HS6ST3: variants seen among roughly 807,000 people sequenced by gnomAD.
The protein encoded by HS6ST3 is heparan-sulfate 6-O-sulfotransferase 3.
A neutral mutation model predicts 36.7 loss-of-function variants in HS6ST3; 12 were observed. The ratio of observed to expected loss-of-function variants is 0.33; its 90% confidence interval spans 0.21 to 0.53. The LOEUF (loss-of-function observed/expected upper bound fraction) is 0.53. Among genes scored for constraint, HS6ST3 ranks in the 20% least tolerant of loss-of-function variants. The pLI, the probability that HS6ST3 is intolerant of heterozygous loss-of-function variation, is 0.95. For synonymous variants in HS6ST3, 240 were observed against 257.5 expected, an observed-to-expected ratio of 0.93 and a Z score of 0.65; for missense variants, 584 against 640.9, an observed-to-expected ratio of 0.91 and a Z score of 0.96.
chr13:96,456,456 T>G (rs1036683645), intron 1 of HS6ST3, among the ~76,000 whole-genome samples: 1 of 152,164 alleles, frequency 6.6e-6, no homozygotes, highest in African/African-American at 2.4e-5. Flanking sequence ...TGCAAATGCA[T>G]TTTCCTAAGT....
At chr13:96,300,093 G>A (rs980469727) in intron 1 of HS6ST3, among the ~76,000 whole-genome samples, 30 of 114,888 alleles carry the variant, frequency 2.6e-4, no homozygotes, top group Admixed American at 1.3e-4. Flanking sequence ...GTCTCACTCT[G>A]TCACCCAGGA....
chr13:96,342,065 C>T (rs2055133309), intron 1 of HS6ST3, among the ~76,000 whole-genome samples: 1 of 152,094 alleles, frequency 6.6e-6, no homozygotes, highest in Non-Finnish European at 1.5e-5. Context: ...CACCACTGAA[C>T]CTCTTTTCTC....
At chr13:96,317,326 TTATATATA>T (rs537839404) in intron 1 of HS6ST3, among the ~76,000 whole-genome samples, 81 of 96,926 alleles carry the variant, frequency 8.4e-4, no homozygotes, top group Middle Eastern at 4.9e-3. Context: ...TAGTATTCCA[TTATATATA>T]TATATATATA....
rs578083988 is a variant in HS6ST3, at chr13:96,152,495, G to T, written c.707+60926G>T. Among the ~76,000 whole-genome samples the T allele has an allele frequency of 1.5e-4, 23 of 151,834 alleles. 1 individual carries two copies. Among genetic ancestry groups the T allele is most frequent in the Middle Eastern group, 3.4e-3 (1 of 294 alleles). On this transcript the variant is annotated intron_variant, in intron 1 of 1. Coordinates refer to ENST00000376705, the MANE Select transcript of HS6ST3 (RefSeq NM_153456.4). ...TGGGACTACAGGCGCCCGCCACCAC[G>T]CCCGGCTAATTTTTTGTACTTTTAG...
In HS6ST3 at chr13:96,654,450, A is replaced by G. The variant is rs1165833191; in HGVS notation, c.708-178040A>G. On this transcript the variant is annotated intron_variant, in intron 1 of 1. Transcript: ENST00000376705. ...ATGGCTATCCAGTTTTCCCAACACG[A>G]TTTATTAAACAGGGAATCCTTTCCC... Among the ~76,000 whole-genome samples, 7 of 152,240 alleles carry G rather than the reference A, an allele frequency of 4.6e-5. No individual in the cohort carries two copies. In the South Asian group the frequency reaches 1.5e-3, roughly 32 times the overall value.
rs1011202448 is a variant in HS6ST3, at chr13:96,833,372, G to A, written c.*174G>A. ...TATCCAGCTGGAGATTATCCGTCTT[G>A]TTCTTTTTTTTCTTGACATTTTGCA... On this transcript the variant is annotated 3_prime_UTR_variant, in exon 2 of 2. Transcript: ENST00000376705. 8.2e-6 allele frequency: 5 copies of A among 606,698 alleles called. No individual in the cohort carries two copies. Among genetic ancestry groups the A allele is most frequent in the Non-Finnish European group, 1.4e-5 (5 of 358,814 alleles). The allele number at this position is 606,698 out of a possible 1,614,324, so 37.6% of individuals were successfully genotyped here. A position where few individuals can be genotyped will look rare whatever the true frequency, so the allele number is the denominator to read the frequency against.
chr13:96,317,995 C>A (rs2054984509), intron 1 of HS6ST3, among the ~76,000 whole-genome samples: 1 of 152,022 alleles, frequency 6.6e-6, no homozygotes, highest in African/African-American at 2.4e-5. Flanking sequence ...TTCTCTCATT[C>A]TGTAGGGTGT....
intron 1 of HS6ST3, among the ~76,000 whole-genome samples, chr13:96,565,441 C>T (rs905415109): frequency 1.3e-5 from 2 of 151,994 alleles, no homozygotes; most frequent in Non-Finnish European, 2.9e-5. Flanking sequence ...GCCATAGCAG[C>T]CATGTTAGTA....
At chr13:96,166,629 CT>C in intron 1 of HS6ST3, among the ~76,000 whole-genome samples, 1 of 125,540 alleles carries the variant, frequency 8.0e-6, no homozygotes, top group South Asian at 2.5e-4. Context: ...CCAGGCTGGT[CT>C]CAAACTCCTA....
intron 1 of HS6ST3, among the ~76,000 whole-genome samples, chr13:96,770,622 A>C (rs1877240769): frequency 6.6e-6 from 1 of 152,216 alleles, no homozygotes; most frequent in Admixed American, 6.5e-5. Context: ...AAACTAGTAG[A>C]TTCTATGGCA....
intron 1 of HS6ST3, among the ~76,000 whole-genome samples, chr13:96,365,106 ACT>A (rs1286051742): frequency 1.3e-5 from 2 of 152,068 alleles, no homozygotes; most frequent in Non-Finnish European, 2.9e-5. Flanking sequence ...TGGACCAGGC[ACT>A]CTGTTTTGCT....
intron 1 of HS6ST3, among the ~76,000 whole-genome samples, chr13:96,107,086 G>A (rs990300957): frequency 1.3e-5 from 2 of 152,176 alleles, no homozygotes; most frequent in African/African-American, 4.8e-5. Flanking sequence ...GAACATTTTA[G>A]TGCCAGATCT....
chr13:96,680,525 A>G (rs1464127073), intron 1 of HS6ST3, among the ~76,000 whole-genome samples: 1 of 152,124 alleles, frequency 6.6e-6, no homozygotes, highest in African/African-American at 2.4e-5. Context: ...AGGGAAGAGG[A>G]CACTTTCATC....
chr13:96,374,290 TA>T (rs2055304391), intron 1 of HS6ST3, among the ~76,000 whole-genome samples: 1 of 152,218 alleles, frequency 6.6e-6, no homozygotes, highest in Non-Finnish European at 1.5e-5. Context: ...GGGACATTTT[TA>T]TAATACTAAT....
At chr13:96,130,939 GAT>G (rs1195241091) in intron 1 of HS6ST3, among the ~76,000 whole-genome samples, 1 of 152,078 alleles carries the variant, frequency 6.6e-6, no homozygotes, top group Non-Finnish European at 1.5e-5. Context: ...CAAACCCTAA[GAT>G]ACCCTCTGCT....
At chr13:96,101,236 A>G (rs533451809) in intron 1 of HS6ST3, among the ~76,000 whole-genome samples, 2 of 152,280 alleles carry the variant, frequency 1.3e-5, no homozygotes, top group South Asian at 2.1e-4. Context: ...AAAACTGGCT[A>G]TAGTTTGCAA....
rs753029740 is a variant in HS6ST3 at position 96,481,195 on chromosome 13, T to G, written c.708-351295T>G. Among the ~76,000 whole-genome samples the G allele has an allele frequency of 2.0e-5, 3 of 152,192 alleles. No homozygotes were observed. The South Asian group carries it at 6.2e-4, about 31-fold the overall frequency. On this transcript the variant is annotated intron_variant, in intron 1 of 1. Coordinates refer to ENST00000376705, the MANE Select transcript of HS6ST3 (RefSeq NM_153456.4). ...AGACACCAATTAAGTCAAAGTAAGA[T>G]GAACTGTCTAAAATCAAAGTGCACG...
At chr13:96,437,425 A>T (rs1240331205) in intron 1 of HS6ST3, among the ~76,000 whole-genome samples, 1 of 152,014 alleles carries the variant, frequency 6.6e-6, no homozygotes, top group Non-Finnish European at 1.5e-5. Flanking sequence ...AAGATTTTAC[A>T]TTTTCTGAAG....
chr13:96,381,410 GTATCTATCTATC>G (rs78957056), intron 1 of HS6ST3, among the ~76,000 whole-genome samples: 2 of 138,684 alleles, frequency 1.4e-5, no homozygotes, highest in East Asian at 2.1e-4. Flanking sequence ...ATGTATCTAT[GTATCTATCTATC>G]TATCTATCTA....
Sources: gnomAD v4.1 joint callset for allele counts (sites outside exome capture counted in the v4.1 genomes callset) on GRCh38, gnomAD v4.1.1 for gene constraint, MANE v1.5 for transcripts, NCBI Gene and HGNC (gene_info 2026-07-23, HGNC 2026-07-21) for gene names.